PTGFRN: variants seen among roughly 807,000 people sequenced by gnomAD.
The protein encoded by PTGFRN is prostaglandin F2 receptor inhibitor.
In PTGFRN, 35 loss-of-function variants were observed where a neutral mutation model predicts 83.2. The ratio of observed to expected loss-of-function variants is 0.42; its 90% confidence interval spans 0.32 to 0.56. PTGFRN has a LOEUF of 0.56. PTGFRN is among the 20% of genes least tolerant of loss of function. The pLI, the probability that PTGFRN is intolerant of heterozygous loss-of-function variation, is 0.11. For missense variants in PTGFRN, 1,051 were observed against 1,179.5 expected (o/e 0.89, Z 1.60); for synonymous variants, 519 against 498.6 (o/e 1.04, Z -0.55).
In PTGFRN at chr1:116,984,727, C is replaced by T. The variant is rs955962911; in HGVS notation, c.2215C>T (p.Leu739=). 6.2e-7 allele frequency: 1 copy of T among 1,614,176 alleles called. No homozygotes were observed. The change falls in exon 8 of 9, where the codon CTG becomes TTG. Residue 739 remains leucine (L), a synonymous_variant. Transcript: ENST00000393203. The stretch of plus-strand genomic sequence containing the variant: ...CTGGTTTGCGGTGCACTCTTTTGGC[C>T]TGGACAAGGCTCCTGTGCTCCTGTC... ...VSWFAVHSFG[L]DKAPVLLSSL... is the part of the protein sequence containing the mutation.
At position 116,961,330 on chromosome 1, in the gene PTGFRN, C is replaced by T. The variant is rs372487027; in HGVS notation, c.1301C>T (p.Thr434Met). ...GAGCTGGCATGCCGGGTGGTGGACACGAAGAGTGGGGAGGCGAATGTCCGA... is the reference window on the plus strand; with the variant it reads ...GAGCTGGCATGCCGGGTGGTGGACATGAAGAGTGGGGAGGCGAATGTCCGA... ...PTELACRVVD[T>M]KSGEANVRFT... is the part of the protein sequence containing the mutation. The change falls in exon 5 of 9, where the codon ACG (threonine) becomes ATG (methionine). Residue 434 changes from threonine (T) to methionine (M), a missense_variant. This residue lies in a region of PTGFRN where 719 missense variants were observed against 836.6 expected (regional missense o/e 0.86). Transcript: ENST00000393203. The surrounding 1 kb of genome is among the most constrained non-coding windows in gnomAD (Gnocchi z 5.4). The T allele has an allele frequency of 3.9e-5, 62 of 1,571,552 alleles. No homozygotes were observed. The highest frequency in any genetic ancestry group is 3.3e-4 in the Admixed American group (19 of 57,514).
At chr1:116,912,520 T>C (rs923860829) in intron 1 of PTGFRN, among the ~76,000 whole-genome samples, 2 of 152,182 alleles carry the variant, frequency 1.3e-5, no homozygotes, top group Non-Finnish European at 2.9e-5. Flanking sequence ...AATTCTTGGC[T>C]CTCCCCGTAC....
Position 116,949,510 on chromosome 1 carries a change from G to T in PTGFRN, c.1151G>T (p.Arg384Met). 1.9e-6 allele frequency: 3 copies of T among 1,614,212 alleles called. No individual in the cohort carries two copies. Among genetic ancestry groups the T allele is most frequent in the East Asian group, 4.5e-5 (2 of 44,888 alleles). Residue 384 changes from arginine (R) to methionine (M), a missense_variant, in exon 4 of 9, where the codon AGG (arginine) becomes ATG (methionine). Arg to Met is a moderately conservative substitution (Grantham distance 91, BLOSUM62 -1). Coordinates refer to ENST00000393203, the MANE Select transcript of PTGFRN (RefSeq NM_020440.4). ...HVSLWAPGHN[R>M]SWHKVAEAVS... ...TCCCTGTGGGCACCCGGACACAACAGGAGCTGGCACAAAGTGGCAGAGGCC... is the reference window on the plus strand; with the variant it reads ...TCCCTGTGGGCACCCGGACACAACATGAGCTGGCACAAAGTGGCAGAGGCC...
intron 1 of PTGFRN, among the ~76,000 whole-genome samples, chr1:116,928,849 T>A (rs1255522244): frequency 6.6e-6 from 1 of 152,222 alleles, no homozygotes; most frequent in Non-Finnish European, 1.5e-5. Flanking sequence ...AAGGGCTCTA[T>A]CTTTGGCTCT....
At chr1:116,966,249 A>G (rs995195617) in intron 5 of PTGFRN, among the ~76,000 whole-genome samples, 3 of 152,284 alleles carry the variant, frequency 2.0e-5, no homozygotes, top group African/African-American at 7.2e-5. Context: ...ACCTAAAGTT[A>G]GCGTAGCCAT....
chr1:116,945,750 T>G (rs1198460123), intron 3 of PTGFRN, among the ~76,000 whole-genome samples: 1 of 151,876 alleles, frequency 6.6e-6, no homozygotes, highest in African/African-American at 2.4e-5. Context: ...TCAGCTTTTT[T>G]TTTTTTTTTT....
intron 1 of PTGFRN, among the ~76,000 whole-genome samples, chr1:116,930,568 A>G (rs972899432): frequency 6.6e-6 from 1 of 152,246 alleles, no homozygotes; most frequent in South Asian, 2.1e-4. Context: ...ATAAGAAAAT[A>G]GATTTCACCA....
rs772279364 is a variant in PTGFRN at position 116,961,298 on chromosome 1, C to A, written c.1269C>A (p.Asp423Glu). 1 of 1,548,990 alleles carries A rather than the reference C, an allele frequency of 6.5e-7. No homozygotes were observed. Among genetic ancestry groups the A allele is most frequent in the South Asian group, 1.3e-5 (1 of 79,292 alleles). Residue 423 changes from aspartate to glutamate, a missense_variant, in exon 5 of 9, where the codon GAC (aspartate) becomes GAA (glutamate). This residue lies in a region of PTGFRN where 719 missense variants were observed against 836.6 expected (regional missense o/e 0.86). Coordinates refer to ENST00000393203, the MANE Select transcript of PTGFRN (RefSeq NM_020440.4). This position sits in a 1 kb window ranked among gnomAD's most constrained non-coding sequence, Gnocchi z 5.4. ...NASKVPGFAD[D>E]PTELACRVVD... ...CCAAGGTCCCCGGGTTTGCGGATGA[C>A]CCCACAGAGCTGGCATGCCGGGTGG...
intron 7 of PTGFRN, among the ~76,000 whole-genome samples, chr1:116,978,749 A>G (rs889650367): frequency 1.3e-5 from 2 of 152,168 alleles, no homozygotes; most frequent in South Asian, 2.1e-4. Flanking sequence ...ATTTATGACA[A>G]ACCCACAGCT....
At chr1:116,944,012 C>T (rs186728270) in intron 2 of PTGFRN, among the ~76,000 whole-genome samples, 6 of 152,242 alleles carry the variant, frequency 3.9e-5, no homozygotes, top group Admixed American at 6.5e-5. Flanking sequence ...CCTTGATCGC[C>T]GTCCCCTTTT....
At chr1:116,943,008 T>G (rs1650098091) in intron 2 of PTGFRN, among the ~76,000 whole-genome samples, 1 of 152,238 alleles carries the variant, frequency 6.6e-6, no homozygotes, top group Non-Finnish European at 1.5e-5. Context: ...TTGTTGTTAT[T>G]GTTACTTAAT....
chr1:116,961,675 A>G lies in PTGFRN; in HGVS notation c.1639+7A>G. ...ATATTTTGGGCATTAGAAGGTAGGA[A>G]CTTTTTTCTTGTTATTCATTTTTGT... On this transcript the variant is annotated splice_region_variant and intron_variant, in intron 5 of 8. Coordinates refer to ENST00000393203, the MANE Select transcript of PTGFRN (RefSeq NM_020440.4). The surrounding 1 kb of genome is among the most constrained non-coding windows in gnomAD (Gnocchi z 5.4). The G allele has an allele frequency of 6.3e-7, 1 of 1,593,020 alleles. No homozygotes were observed. The highest frequency in any genetic ancestry group is 1.7e-4 in the Middle Eastern group (1 of 5,930).
chr1:116,941,857 GA>G lies in PTGFRN; in HGVS notation c.193del (p.Ser65AlafsTer30). On this transcript the variant is annotated frameshift_variant, in exon 2 of 9. Transcript: ENST00000393203. LOFTEE classifies it high-confidence loss of function. This position sits in a 1 kb window ranked among gnomAD's most constrained non-coding sequence, Gnocchi z 5.0. Reference protein sequence around the residue: ...NFDWSFSSLGSSFVELASTWE... With the variant: ...NFDWSFSSLGXSFVELASTWE... ...TTGACTGGAGCTTCTCATCTTTGGGGAGCAGCTTTGTGGAGCTTGCAAGCAC... is the reference window on the plus strand; with the variant it reads ...TTGACTGGAGCTTCTCATCTTTGGGGGCAGCTTTGTGGAGCTTGCAAGCAC... The G allele has an allele frequency of 6.2e-7, 1 of 1,614,206 alleles. No individual in the cohort carries two copies. The highest frequency in any genetic ancestry group is 1.1e-5 in the South Asian group (1 of 91,086).
chr1:116,926,670 A>G (rs569000021), intron 1 of PTGFRN, among the ~76,000 whole-genome samples: 1 of 152,326 alleles, frequency 6.6e-6, no homozygotes, highest in African/African-American at 2.4e-5. Context: ...GCAAACTATA[A>G]AGCAATGCTA....
intron 7 of PTGFRN, among the ~76,000 whole-genome samples, chr1:116,982,660 C>T (rs778029745): frequency 1.3e-4 from 20 of 152,186 alleles, no homozygotes; most frequent in Non-Finnish European, 2.6e-4. Flanking sequence ...GAAGGCAAGT[C>T]GAGGTGTGAA....
At chr1:116,962,853 C>T (rs573979752) in intron 5 of PTGFRN, among the ~76,000 whole-genome samples, 7 of 152,200 alleles carry the variant, frequency 4.6e-5, no homozygotes, top group African/African-American at 7.2e-5. Flanking sequence ...TGTGTCTTCA[C>T]GTCTCTCTCA....
chr1:116,950,556 C>G (rs1444627790), intron 4 of PTGFRN, among the ~76,000 whole-genome samples: 1 of 152,182 alleles, frequency 6.6e-6, no homozygotes, highest in African/African-American at 2.4e-5. Flanking sequence ...TTGTCTGATT[C>G]TTCTGCTATG....
intron 1 of PTGFRN, 66 bp downstream of exon 1, chr1:116,910,318 C>G: frequency 5.7e-6 from 7 of 1,236,742 alleles, no homozygotes; most frequent in Non-Finnish European, 7.1e-6. Context: ...CTCGGCGGGG[C>G]GCGGCTGCAG....
chr1:116,912,377 A>C (rs1649294320), intron 1 of PTGFRN, among the ~76,000 whole-genome samples: 2 of 152,144 alleles, frequency 1.3e-5, no homozygotes, highest in Admixed American at 6.5e-5. Flanking sequence ...GCTGTGTTAC[A>C]CTGCTCTGGC....
Sources: allele counts gnomAD v4.1 joint callset (sites outside exome capture counted in the v4.1 genomes callset), GRCh38; gene constraint gnomAD v4.1.1; regional missense constraint gnomAD v4.1.1; non-coding constraint Gnocchi (gnomAD v3.1); transcripts MANE v1.5; gene names NCBI Gene and HGNC (gene_info 2026-07-23, HGNC 2026-07-21).